The following CDK8 variants were observed in gnomAD, a reference collection of about 807,000 sequenced individuals.
The protein encoded by CDK8 is cyclin-dependent kinase 8.
A neutral mutation model predicts 71.5 loss-of-function variants in CDK8; 29 were observed. The ratio of observed to expected loss-of-function variants is 0.41; its 90% confidence interval spans 0.30 to 0.55. The LOEUF (loss-of-function observed/expected upper bound fraction) is 0.55. CDK8 is among the 20% of genes least tolerant of loss of function. CDK8 has a pLI of 0.37. For missense variants in CDK8, 288 were observed against 572.6 expected (o/e 0.50, Z 5.07); for synonymous variants, 161 against 192.1 (o/e 0.84, Z 1.34).
intron 1 of CDK8, among the ~76,000 whole-genome samples, chr13:26,306,700 C>A (rs1874060486): frequency 6.7e-6 from 1 of 148,818 alleles, no homozygotes; most frequent in African/African-American, 2.5e-5. Flanking sequence ...ATTATCTCAG[C>A]TTACTGTAGC....
chr13:26,365,119 T>C (rs1345954846), intron 4 of CDK8, among the ~76,000 whole-genome samples: 1 of 152,186 alleles, frequency 6.6e-6, no homozygotes, highest in Non-Finnish European at 1.5e-5. Flanking sequence ...TTGTACCTTG[T>C]TTAATTGGGT....
At chr13:26,309,518 A>G (rs1171075717) in intron 1 of CDK8, among the ~76,000 whole-genome samples, 2 of 152,070 alleles carry the variant, frequency 1.3e-5, no homozygotes, top group Non-Finnish European at 2.9e-5. Context: ...AGTGATTTTC[A>G]TTTCATATGT....
At position 26,405,157 on chromosome 13, in the gene CDK8, C is replaced by T. The variant is rs145136096; in HGVS notation, c.*1076C>T. 5.6e-6 allele frequency: 1 copy of T among 177,432 alleles called. No homozygotes were observed. The highest frequency in any genetic ancestry group is 9.6e-5 in the East Asian group (1 of 10,420). 11.0% of individuals were successfully genotyped at this position (177,432 alleles called of 1,614,324 possible). A position where few individuals can be genotyped will look rare whatever the true frequency, so the allele number is the denominator to read the frequency against. On this transcript the variant is annotated 3_prime_UTR_variant, in exon 13 of 13. Transcript: ENST00000381527. Reference sequence around the variant, plus strand: ...GTATCAAACTATTTTACATGAATGACACAAGTATTCTGAATAAAAAATAAT... The same window carrying T: ...GTATCAAACTATTTTACATGAATGATACAAGTATTCTGAATAAAAAATAAT...
At chr13:26,389,256 A>G (rs1375748683) in intron 6 of CDK8, among the ~76,000 whole-genome samples, 1 of 152,082 alleles carries the variant, frequency 6.6e-6, no homozygotes, top group Non-Finnish European at 1.5e-5. Flanking sequence ...TCCGCTTCCC[A>G]GGTTCAGGCA....
At chr13:26,397,862 A>G (rs1470303994) in intron 9 of CDK8, among the ~76,000 whole-genome samples, 1 of 152,188 alleles carries the variant, frequency 6.6e-6, no homozygotes, top group Non-Finnish European at 1.5e-5. Flanking sequence ...TTACAGCGTA[A>G]TAATTAATAA....
At chr13:26,279,851 C>G (rs1017805859) in intron 1 of CDK8, among the ~76,000 whole-genome samples, 1 of 152,064 alleles carries the variant, frequency 6.6e-6, no homozygotes, top group African/African-American at 2.4e-5. Flanking sequence ...TCCTTATTCT[C>G]AGAAGAGGTA....
chr13:26,337,567 G>T lies in CDK8; in HGVS notation c.129G>T (p.Gly43=). The part of the protein sequence containing the change: ...GHVYKAKRKD[G]KDDKDYALKQ... ...TATTAAAATAACTTTGTTTTTACAG[G>T]AAGGATGATAAAGACTATGCTTTAA... The change falls in exon 2 of 13, where the codon GGG becomes GGT. Residue 43 remains glycine, a splice_region_variant and synonymous_variant. Transcript: ENST00000381527. 2 of 1,390,886 alleles carry T rather than the reference G, an allele frequency of 1.4e-6. No individual in the cohort carries two copies. Among genetic ancestry groups the T allele is most frequent in the South Asian group, 3.5e-5 (2 of 57,282 alleles). 86.2% of individuals were successfully genotyped at this position (1,390,886 alleles called of 1,614,324 possible).
chr13:26,294,402 C>G (rs1469043327), intron 1 of CDK8, among the ~76,000 whole-genome samples: 1 of 152,192 alleles, frequency 6.6e-6, no homozygotes, highest in Non-Finnish European at 1.5e-5. Flanking sequence ...GTGCAGGTAT[C>G]TCTTCAACAT....
intron 1 of CDK8, among the ~76,000 whole-genome samples, chr13:26,301,053 T>C (rs540603508): frequency 6.6e-6 from 1 of 152,218 alleles, no homozygotes; most frequent in Admixed American, 6.5e-5. Context: ...TATGAGGTAA[T>C]GAGTCCTTTC....
At chr13:26,377,960 CAG>C (rs1376574394) in intron 4 of CDK8, among the ~76,000 whole-genome samples, 1 of 152,168 alleles carries the variant, frequency 6.6e-6, no homozygotes, top group African/African-American at 2.4e-5. Flanking sequence ...GGACAAATGA[CAG>C]AGAAAAGCAC....
At chr13:26,323,319 G>GAA (rs1461334239) in intron 1 of CDK8, among the ~76,000 whole-genome samples, 5 of 125,338 alleles carry the variant, frequency 4.0e-5, no homozygotes, top group African/African-American at 1.5e-4. Flanking sequence ...GAGAGAGAGA[G>GAA]AGAGAGAGGG....
At position 26,397,248 on chromosome 13, in the gene CDK8, A is replaced by T. The variant is rs369801912; in HGVS notation, c.933+23A>T. Reference sequence around the variant, plus strand: ...TTGGTAAGCATTGGTTAACAGTATTAATGAAATGCATTTTTTCCTTAATTG... The same window carrying T: ...TTGGTAAGCATTGGTTAACAGTATTTATGAAATGCATTTTTTCCTTAATTG... On this transcript the variant is annotated intron_variant, in intron 9 of 12. Coordinates refer to ENST00000381527, the MANE Select transcript of CDK8 (RefSeq NM_001260.3). The T allele has an allele frequency of 2.0e-6, 3 of 1,469,058 alleles. No individual in the cohort carries two copies. In the African/African-American group the frequency reaches 4.2e-5, roughly 21 times the overall value. 91.0% of individuals were successfully genotyped at this position (1,469,058 alleles called of 1,614,324 possible). A position where few individuals can be genotyped will look rare whatever the true frequency, so the allele number is the denominator to read the frequency against.
At chr13:26,328,028 C>T (rs1875104582) in intron 1 of CDK8, among the ~76,000 whole-genome samples, 1 of 148,866 alleles carries the variant, frequency 6.7e-6, no homozygotes, top group Admixed American at 6.7e-5. Context: ...ACTAAAAATA[C>T]CAAAGATACC....
intron 1 of CDK8, among the ~76,000 whole-genome samples, chr13:26,262,189 G>A (rs555031582): frequency 3.3e-5 from 5 of 152,120 alleles, no homozygotes; most frequent in East Asian, 1.9e-4. Context: ...CACTTTACCC[G>A]TCACCCTGCA....
chr13:26,360,432 C>T (rs147826467), intron 4 of CDK8, among the ~76,000 whole-genome samples: 5 of 152,286 alleles, frequency 3.3e-5, no homozygotes, highest in Admixed American at 3.3e-4. Context: ...TCAGAGGTTG[C>T]CCTGCCTGCT....
chr13:26,380,759 G>A (rs1271243174), intron 4 of CDK8, among the ~76,000 whole-genome samples: 1 of 152,206 alleles, frequency 6.6e-6, no homozygotes, highest in Non-Finnish European at 1.5e-5. Flanking sequence ...GGCATTACAG[G>A]CGTGAGCTAC....
At chr13:26,328,451 T>C (rs892446584) in intron 1 of CDK8, among the ~76,000 whole-genome samples, 1 of 152,218 alleles carries the variant, frequency 6.6e-6, no homozygotes, top group Non-Finnish European at 1.5e-5. Context: ...GAAAATTTAA[T>C]TCTCCAGAAC....
intron 3 of CDK8, among the ~76,000 whole-genome samples, chr13:26,349,933 A>G (rs1457953278): frequency 6.6e-6 from 1 of 152,182 alleles, no homozygotes; most frequent in Non-Finnish European, 1.5e-5. Context: ...ATAGTACCAT[A>G]TTGTTACTGT....
chr13:26,281,711 A>C (rs1593236508), intron 1 of CDK8, among the ~76,000 whole-genome samples: 1 of 121,068 alleles, frequency 8.3e-6, no homozygotes, highest in Admixed American at 7.9e-5. Context: ...TACCAGGGAA[A>C]GGTGAAAACC....
Sources: gnomAD v4.1 joint callset for allele counts (sites outside exome capture counted in the v4.1 genomes callset) on GRCh38, gnomAD v4.1.1 for gene constraint, MANE v1.5 for transcripts, NCBI Gene and HGNC (gene_info 2026-07-23, HGNC 2026-07-21) for gene names.